ARHGAP42: variants seen among roughly 807,000 people sequenced by gnomAD.
ARHGAP42 encodes rho GTPase-activating protein 42.
In ARHGAP42, 63 loss-of-function variants were observed where a neutral mutation model predicts 125.0. The observed-to-expected ratio is 0.50, with a 90% CI of 0.41 to 0.62. The LOEUF (loss-of-function observed/expected upper bound fraction) is 0.62. ARHGAP42 is among the 20% of genes least tolerant of loss of function. The pLI, the probability that ARHGAP42 is intolerant of heterozygous loss-of-function variation, is 0.00. For synonymous variants in ARHGAP42, 339 were observed against 351.0 expected (o/e 0.97, Z 0.38); for missense variants, 766 against 1,024.2 (o/e 0.75, Z 3.44).
chr11:100,831,933 G>T (rs926004819), intron 3 of ARHGAP42, among the ~76,000 whole-genome samples: 1 of 152,208 alleles, frequency 6.6e-6, no homozygotes, highest in African/African-American at 2.4e-5. Context: ...CTTGGAAATG[G>T]AGGAATTCAT....
intron 21 of ARHGAP42, among the ~76,000 whole-genome samples, chr11:100,978,272 G>T (rs1382502665): frequency 6.6e-6 from 1 of 152,114 alleles, no homozygotes. Context: ...CAAATGGCTT[G>T]GCTCTGGGAG....
At chr11:100,728,713 C>A (rs1591132313) in intron 1 of ARHGAP42, among the ~76,000 whole-genome samples, 3 of 95,312 alleles carry the variant, frequency 3.1e-5, no homozygotes, top group East Asian at 3.9e-4. Flanking sequence ...AATGACTTTG[C>A]GTATATATAT....
chr11:100,748,928 C>G (rs1862371307), intron 1 of ARHGAP42, among the ~76,000 whole-genome samples: 1 of 152,162 alleles, frequency 6.6e-6, no homozygotes, highest in African/African-American at 2.4e-5. Context: ...CTCTCTTTCT[C>G]TCTCTCTGAC....
At chr11:100,949,892 C>A in intron 11 of ARHGAP42, 25 bp from the exon 12 acceptor site, 1 of 1,426,424 alleles carries the variant, frequency 7.0e-7, no homozygotes, top group Non-Finnish European at 9.5e-7. Flanking sequence ...CTGGAAGTAA[C>A]TAATGGACAT....
chr11:100,903,709 A>AAAAAAT (rs1332890022), intron 4 of ARHGAP42, among the ~76,000 whole-genome samples: 29 of 63,504 alleles, frequency 4.6e-4, no homozygotes, highest in African/African-American at 1.7e-3. Flanking sequence ...TGTCCCTCAA[A>AAAAAAT]ATATATATAT....
At chr11:100,824,190 T>C (rs1199894414) in intron 3 of ARHGAP42, among the ~76,000 whole-genome samples, 3 of 152,182 alleles carry the variant, frequency 2.0e-5, no homozygotes, top group Admixed American at 1.3e-4. Flanking sequence ...ACTGTAGGAA[T>C]GTTTGTGAGA....
intron 4 of ARHGAP42, among the ~76,000 whole-genome samples, chr11:100,892,566 A>G (rs1866245906): frequency 6.6e-6 from 1 of 152,176 alleles, no homozygotes; most frequent in Admixed American, 6.5e-5. Flanking sequence ...ATAAATACAA[A>G]TGGAACTGAT....
At chr11:100,779,535 T>TATACATATATATATACGTATAC (rs1863232235) in intron 2 of ARHGAP42, among the ~76,000 whole-genome samples, 1 of 134,504 alleles carries the variant, frequency 7.4e-6, no homozygotes, top group Non-Finnish European at 1.6e-5. Context: ...CATGCGTATA[T>TATACATATATATATACGTATAC]ATACGTATAT....
chr11:100,924,365 C>A (rs1192612000), intron 6 of ARHGAP42, among the ~76,000 whole-genome samples: 1 of 151,956 alleles, frequency 6.6e-6, no homozygotes, highest in Non-Finnish European at 1.5e-5. Context: ...TATTCATGTG[C>A]TATTAAGAAT....
At position 100,961,066 on chromosome 11, in the gene ARHGAP42, T is replaced by C. The variant is rs1311583355; in HGVS notation, c.1300+77T>C. On this transcript the variant is annotated intron_variant, in intron 14 of 23. Transcript: ENST00000298815. ...CTAAAGTATGGACTTCTTTGACTAG[T>C]GCTTGTCTTTGAATATTTTCAAATA... 4.5e-6 allele frequency: 4 copies of C among 886,998 alleles called. No individual in the cohort carries two copies. The African/African-American group carries it at 5.2e-5, about 11-fold the overall frequency. The allele number at this position is 886,998 out of a possible 1,614,324, so 54.9% of individuals were successfully genotyped here.
At chr11:100,739,423 T>C (rs1378529775) in intron 1 of ARHGAP42, among the ~76,000 whole-genome samples, 1 of 152,140 alleles carries the variant, frequency 6.6e-6, no homozygotes, top group Non-Finnish European at 1.5e-5. Context: ...AGATTGCAAT[T>C]TGTTCTAAAG....
intron 3 of ARHGAP42, among the ~76,000 whole-genome samples, chr11:100,798,906 A>C (rs1863786582): frequency 6.6e-6 from 1 of 152,238 alleles, no homozygotes. Flanking sequence ...CTCAGAGGGT[A>C]CATTTCCTGA....
At chr11:100,875,004 GA>G (rs939962622) in intron 4 of ARHGAP42, among the ~76,000 whole-genome samples, 1 of 151,292 alleles carries the variant, frequency 6.6e-6, no homozygotes, top group African/African-American at 2.4e-5. Context: ...TTTCCATCCT[GA>G]TTTGCAAATG....
intron 17 of ARHGAP42, among the ~76,000 whole-genome samples, chr11:100,972,439 A>C (rs1199275607): frequency 3.3e-5 from 5 of 152,178 alleles, no homozygotes; most frequent in Non-Finnish European, 7.3e-5. Flanking sequence ...TCAAGCCAGC[A>C]ATGATGCTAC....
intron 10 of ARHGAP42, among the ~76,000 whole-genome samples, chr11:100,944,294 C>T (rs556973636): frequency 6.6e-6 from 1 of 152,156 alleles, no homozygotes; most frequent in Admixed American, 6.6e-5. Context: ...AAGTTTAATG[C>T]CTCCAGGATG....
intron 3 of ARHGAP42, among the ~76,000 whole-genome samples, chr11:100,796,159 G>A (rs987292907): frequency 7.9e-5 from 12 of 152,062 alleles, no homozygotes; most frequent in African/African-American, 2.4e-4. Flanking sequence ...TCTGTGTCAC[G>A]TTTTGGTAAT....
intron 3 of ARHGAP42, among the ~76,000 whole-genome samples, chr11:100,838,940 T>G (rs1204183481): frequency 6.6e-6 from 1 of 152,136 alleles, no homozygotes; most frequent in Non-Finnish European, 1.5e-5. Context: ...CCATTGAAAC[T>G]ATTTCTCTTA....
chr11:100,909,158 A>G (rs1227231735), intron 4 of ARHGAP42, among the ~76,000 whole-genome samples: 2 of 152,144 alleles, frequency 1.3e-5, no homozygotes, highest in East Asian at 1.9e-4. Flanking sequence ...ATTGTTTGCA[A>G]ATACTTTCTC....
intron 2 of ARHGAP42, among the ~76,000 whole-genome samples, chr11:100,792,761 T>G (rs1863595499): frequency 2.4e-5 from 1 of 40,824 alleles, no homozygotes; most frequent in East Asian, 8.5e-4. Context: ...TCTTTTTTTT[T>G]TTTTTTTTTG....
Sources: gnomAD v4.1 joint callset for allele counts (sites outside exome capture counted in the v4.1 genomes callset) on GRCh38, gnomAD v4.1.1 for gene constraint, MANE v1.5 for transcripts, NCBI Gene and HGNC (gene_info 2026-07-23, HGNC 2026-07-21) for gene names.